SRGAP3: variants seen among roughly 807,000 people sequenced by gnomAD.
SRGAP3 encodes SLIT-ROBO Rho GTPase-activating protein 3.
A neutral mutation model predicts 121.1 loss-of-function variants in SRGAP3; 39 were observed. The observed-to-expected ratio is 0.32, with a 90% CI of 0.25 to 0.42. SRGAP3 has a LOEUF of 0.42. Ranked by LOEUF, SRGAP3 falls within the 10% of genes least tolerant of loss-of-function variation. The pLI, the probability that SRGAP3 is intolerant of heterozygous loss-of-function variation, is 1.00. For missense variants in SRGAP3, 1,213 were observed against 1,470.6 expected (o/e 0.82, Z 2.86); for synonymous variants, 601 against 570.0 (o/e 1.05, Z -0.77).
intron 7 of SRGAP3, among the ~76,000 whole-genome samples, chr3:9,057,084 G>T (rs921117343): frequency 4.6e-5 from 7 of 151,758 alleles, no homozygotes; most frequent in East Asian, 1.9e-4. Flanking sequence ...TTTGTTTTTT[G>T]TTGTTGTTGT....
chr3:9,147,937 C>T (rs912138857), intron 1 of SRGAP3, among the ~76,000 whole-genome samples: 7 of 152,160 alleles, frequency 4.6e-5, no homozygotes, highest in Non-Finnish European at 7.3e-5. Flanking sequence ...CTTTCAGAAG[C>T]CCCTCTGCAA....
chr3:9,079,915 A>C lies in SRGAP3; in HGVS notation c.486+110T>G. 4 of 1,150,744 alleles carry C rather than the reference A, an allele frequency of 3.5e-6. No individual in the cohort carries two copies. The South Asian group carries it at 5.4e-5, about 16-fold the overall frequency. 71.3% of individuals were successfully genotyped at this position (1,150,744 alleles called of 1,614,324 possible). A position where few individuals can be genotyped will look rare whatever the true frequency, so the allele number is the denominator to read the frequency against. Reference sequence around the variant, plus strand: ...CCCACTGTCACTCAGCATAAAACGCAGCAAAAAAGGCCTGGGGTCATTCCA... The same window carrying C: ...CCCACTGTCACTCAGCATAAAACGCCGCAAAAAAGGCCTGGGGTCATTCCA... On this transcript the variant is annotated intron_variant, in intron 4 of 21. Coordinates refer to ENST00000383836, the MANE Select transcript of SRGAP3 (RefSeq NM_014850.4).
rs1045215678 is a variant in SRGAP3, at chr3:9,218,995, TTTTTA to T, written c.67+29885_67+29889del. Among the ~76,000 whole-genome samples the T allele has an allele frequency of 2.0e-5, 3 of 152,168 alleles. No homozygotes were observed. Among genetic ancestry groups the T allele is most frequent in the African/African-American group, 7.2e-5 (3 of 41,530 alleles). The stretch of plus-strand genomic sequence containing the variant: ...GCCTATTTTATCTTATCTTATTTTA[TTTTTA>T]TTTTATTTTATTTAAATAGAGACAG... On this transcript the variant is annotated intron_variant, in intron 1 of 21. Coordinates refer to ENST00000383836, the MANE Select transcript of SRGAP3 (RefSeq NM_014850.4). This position sits in a 1 kb window ranked among gnomAD's most constrained non-coding sequence, Gnocchi z 5.3.
chr3:9,213,592 G>A (rs1309984105), intron 1 of SRGAP3, among the ~76,000 whole-genome samples: 2 of 152,148 alleles, frequency 1.3e-5, no homozygotes, highest in East Asian at 1.9e-4. Context: ...GCTTCCCCTT[G>A]CCTAACAAGC....
At chr3:9,241,944 G>A (rs1313546553) in intron 1 of SRGAP3, among the ~76,000 whole-genome samples, 3 of 151,946 alleles carry the variant, frequency 2.0e-5, no homozygotes, top group African/African-American at 7.3e-5. Flanking sequence ...CAGGCATGGT[G>A]GTGTGCGCCT....
chr3:9,066,312 C>A (rs1392405916), intron 4 of SRGAP3, among the ~76,000 whole-genome samples: 1 of 152,184 alleles, frequency 6.6e-6, no homozygotes, highest in Non-Finnish European at 1.5e-5. Flanking sequence ...TGTTCATTCT[C>A]TTCTGTGGCT....
In SRGAP3 at chr3:9,249,108, C is replaced by T; in HGVS notation, c.-157G>A. The T allele has an allele frequency of 1.3e-6, 1 of 749,950 alleles. No individual in the cohort carries two copies. The highest frequency in any genetic ancestry group is 1.6e-5 in the South Asian group (1 of 63,914). 46.5% of individuals were successfully genotyped at this position (749,950 alleles called of 1,614,324 possible). A position where few individuals can be genotyped will look rare whatever the true frequency, so the allele number is the denominator to read the frequency against. On this transcript the variant is annotated 5_prime_UTR_variant, in exon 1 of 22. Transcript: ENST00000383836. ...TTGGCTGCAGAGCAGGGAGAAAAAT[C>T]CTTCTCCTTCTGGAAGGAAAAATCT...
intron 1 of SRGAP3, among the ~76,000 whole-genome samples, chr3:9,138,220 T>C (rs533365340): frequency 4.6e-5 from 7 of 152,228 alleles, no homozygotes; most frequent in Admixed American, 1.3e-4. Context: ...TTGTCTAATA[T>C]ATTTCTTTAA....
intron 1 of SRGAP3, among the ~76,000 whole-genome samples, chr3:9,224,185 T>C (rs538692265): frequency 3.5e-4 from 53 of 152,240 alleles, no homozygotes; most frequent in African/African-American, 1.2e-3. Context: ...CCAAGCCAAG[T>C]TAATAGAACA....
chr3:9,067,596 C>T (rs1041359998), intron 4 of SRGAP3, among the ~76,000 whole-genome samples: 24 of 152,122 alleles, frequency 1.6e-4, no homozygotes, highest in Non-Finnish European at 3.5e-4. Flanking sequence ...AAGCAGGCGC[C>T]TATTTTGATG....
chr3:9,161,251 T>C (rs1560302989), intron 1 of SRGAP3, among the ~76,000 whole-genome samples: 1 of 152,242 alleles, frequency 6.6e-6, no homozygotes, highest in Non-Finnish European at 1.5e-5. Flanking sequence ...TAAATGTCAG[T>C]ATCACCAGTA....
intron 1 of SRGAP3, among the ~76,000 whole-genome samples, chr3:9,199,404 G>T (rs554608989): frequency 6.6e-6 from 1 of 152,264 alleles, no homozygotes; most frequent in Admixed American, 6.5e-5. Flanking sequence ...CGCTGACTGA[G>T]ATTTTTTTTT....
At chr3:8,995,910 C>T (rs1378095277) in intron 18 of SRGAP3, among the ~76,000 whole-genome samples, 1 of 152,214 alleles carries the variant, frequency 6.6e-6, no homozygotes, top group Admixed American at 6.5e-5. Context: ...TGCCCTCTCT[C>T]TAGCCTGTAG....
At chr3:9,060,118 G>A (rs1946067354) in intron 6 of SRGAP3, 113 bp downstream of exon 6, 2 of 1,546,390 alleles carry the variant, frequency 1.3e-6, no homozygotes, top group Non-Finnish European at 1.8e-6. Flanking sequence ...CAAAAGAGCT[G>A]TGGCTACCCG....
intron 1 of SRGAP3, among the ~76,000 whole-genome samples, chr3:9,129,656 T>G (rs1949367391): frequency 6.6e-6 from 1 of 152,086 alleles, no homozygotes; most frequent in Admixed American, 6.5e-5. Flanking sequence ...CTTTCATGCA[T>G]GCCATCTCTG....
At chr3:9,283,190 C>T (rs1048711517) in intron 3 of SRGAP3, among the ~76,000 whole-genome samples, 25 of 152,158 alleles carry the variant, frequency 1.6e-4, no homozygotes, top group African/African-American at 5.8e-4. Context: ...ATCCACCCCC[C>T]CTCGGCCTCC....
At chr3:8,998,578 C>T (rs422376) in intron 18 of SRGAP3, among the ~76,000 whole-genome samples, 95,517 of 151,504 alleles carry the variant, frequency 0.63, 31,757 homozygotes, top group African/African-American at 0.86. Flanking sequence ...TATATACACA[C>T]ACATATACAT....
chr3:9,355,243 C>T (rs1421704508), intron 1 of SRGAP3, among the ~76,000 whole-genome samples: 2 of 152,226 alleles, frequency 1.3e-5, no homozygotes, highest in Non-Finnish European at 2.9e-5. Flanking sequence ...TCTCACCACA[C>T]CCACCCCTAA....
rs146496808 is a variant in SRGAP3 at position 9,031,679 on chromosome 3, C to A, written c.1539+971G>T. On this transcript the variant is annotated intron_variant, in intron 12 of 21. Coordinates refer to ENST00000383836, the MANE Select transcript of SRGAP3 (RefSeq NM_014850.4). ...CTGTCCTGCAAGTCTTGTGCTGGAC[C>A]CTGTCTGAGGATCACAAGTAGACAG... Among the ~76,000 whole-genome samples, 658 of 152,280 alleles carry A rather than the reference C, an allele frequency of 4.3e-3. 2 individuals carry two copies. Among genetic ancestry groups the A allele is most frequent in the Middle Eastern group, 0.02 (6 of 294 alleles).
Sources: gnomAD v4.1 joint callset for allele counts (sites outside exome capture counted in the v4.1 genomes callset) on GRCh38, gnomAD v4.1.1 for gene constraint, Gnocchi (gnomAD v3.1) non-coding constraint, MANE v1.5 for transcripts, NCBI Gene and HGNC (gene_info 2026-07-23, HGNC 2026-07-21) for gene names.